The following DENND1B variants were observed in gnomAD, a reference collection of about 807,000 sequenced individuals.
The protein encoded by DENND1B is DENN domain containing 1B.
In DENND1B, 59 loss-of-function variants were observed where a neutral mutation model predicts 90.1. The observed-to-expected ratio is 0.65, with a 90% confidence interval of 0.53 to 0.81. The LOEUF is 0.81. Among genes scored for constraint, DENND1B ranks in the 40% least tolerant of loss-of-function variants. The probability of loss-of-function intolerance (pLI) is 0.00; values close to 1 mark genes in which losing one functional copy is unlikely to be tolerated. For synonymous variants in DENND1B, 337 were observed against 324.6 expected, an observed-to-expected ratio of 1.04 and a Z score of -0.41; for missense variants, 862 against 912.6, an observed-to-expected ratio of 0.94 and a Z score of 0.71.
intron 10 of DENND1B, among the ~76,000 whole-genome samples, chr1:197,625,741 C>T (rs1195437588): frequency 2.0e-5 from 3 of 152,004 alleles, no homozygotes; most frequent in African/African-American, 7.3e-5. Flanking sequence ...AGAGTCAAGA[C>T]CCATCAGTGT....
At chr1:197,761,015 G>C (rs1356688065) in intron 2 of DENND1B, among the ~76,000 whole-genome samples, 1 of 152,046 alleles carries the variant, frequency 6.6e-6, no homozygotes, top group Non-Finnish European at 1.5e-5. Flanking sequence ...TCTCTAACAT[G>C]TCTAAACCTG....
intron 3 of DENND1B, among the ~76,000 whole-genome samples, chr1:197,705,648 T>TAAAAAAA (rs35856931): frequency 7.1e-6 from 1 of 140,876 alleles, no homozygotes; most frequent in Non-Finnish European, 1.5e-5. Context: ...GGTAGAAATT[T>TAAAAAAA]AAAAAAAAAA....
intron 3 of DENND1B, among the ~76,000 whole-genome samples, chr1:197,713,801 T>TATAATATA (rs1483373450): frequency 3.1e-5 from 1 of 32,586 alleles, no homozygotes; most frequent in Non-Finnish European, 5.8e-5. Context: ...TATTATTATA[T>TATAATATA]TATAATATAT....
At chr1:197,607,299 A>T in intron 12 of DENND1B, 125 bp from the exon 13 acceptor site, 1 of 542,646 alleles carries the variant, frequency 1.8e-6, no homozygotes, top group Non-Finnish European at 2.9e-6. Context: ...GGAAAATCCT[A>T]TATTATGAAA....
chr1:197,737,073 A>C (rs1396309825), intron 2 of DENND1B, among the ~76,000 whole-genome samples: 1 of 152,214 alleles, frequency 6.6e-6, no homozygotes, highest in East Asian at 1.9e-4. Context: ...ATCTTTGATA[A>C]GCCCTCATCC....
At position 197,684,311 on chromosome 1, in the gene DENND1B, A is replaced by C. The variant is rs562357859; in HGVS notation, c.127-10142T>G. ...CTAAGTAGCTTGTCCAAAGTCAAAC[A>C]GCTAGCAAATAATAGAGTTAGGATT... On this transcript the variant is annotated intron_variant, in intron 3 of 22. Transcript: ENST00000620048. 2.0e-4 allele frequency among the ~76,000 whole-genome samples: 30 copies of C among 152,332 alleles called. No individual in the cohort carries two copies. In the South Asian group the frequency reaches 6.0e-3, roughly 30 times the overall value.
rs187412626 is a variant in DENND1B, at chr1:197,661,654, A to C, written c.297-3285T>G. On this transcript the variant is annotated intron_variant, in intron 5 of 22. Transcript: ENST00000620048. Reference sequence around the variant, plus strand: ...TAAAGTGAGGCCTTTGGTAACCTTAATTTTTCTTTCATGGTCTACTATAAA... The same window carrying C: ...TAAAGTGAGGCCTTTGGTAACCTTACTTTTTCTTTCATGGTCTACTATAAA... Among the ~76,000 whole-genome samples, 17 of 152,048 alleles carry C rather than the reference A, an allele frequency of 1.1e-4. 1 individual carries two copies. The East Asian group carries it at 3.3e-3, about 29-fold the overall frequency.
chr1:197,686,922 C>T lies in DENND1B; in HGVS notation c.127-12753G>A, dbSNP rs1043596134. The stretch of plus-strand genomic sequence containing the variant: ...ATGCTAGGTTCAGAATCCAGTTCAA[C>T]GACCTAACAGCTGTGTAAAATCGTT... On this transcript the variant is annotated intron_variant, in intron 3 of 22. Transcript: ENST00000620048. Among the ~76,000 whole-genome samples, 8 of 152,150 alleles carry T rather than the reference C, an allele frequency of 5.3e-5. No homozygotes were observed. In the South Asian group the frequency reaches 6.2e-4, roughly 12 times the overall value.
chr1:197,639,825 T>C (rs1029617992), intron 10 of DENND1B, among the ~76,000 whole-genome samples: 14 of 152,148 alleles, frequency 9.2e-5, no homozygotes, highest in Non-Finnish European at 1.5e-4. Flanking sequence ...TTATAGCAGA[T>C]ATATTTTATA....
At chr1:197,761,364 G>C (rs1655023998) in intron 2 of DENND1B, among the ~76,000 whole-genome samples, 1 of 151,302 alleles carries the variant, frequency 6.6e-6, no homozygotes, top group Non-Finnish European at 1.5e-5. Context: ...CTGTAATCTT[G>C]AAGAAGAAAA....
intron 7 of DENND1B, among the ~76,000 whole-genome samples, chr1:197,650,399 A>G (rs1652996439): frequency 6.6e-6 from 1 of 152,172 alleles, no homozygotes; most frequent in Non-Finnish European, 1.5e-5. Context: ...ATCAAAGAAC[A>G]CTTCTACACT....
At chr1:197,539,116 T>C (rs1670137342) in intron 20 of DENND1B, among the ~76,000 whole-genome samples, 1 of 152,182 alleles carries the variant, frequency 6.6e-6, no homozygotes, top group Non-Finnish European at 1.5e-5. Flanking sequence ...CCATGTATAC[T>C]TCTGTGGTGC....
Position 197,549,867 on chromosome 1 carries a change from T to C in DENND1B, c.1241-3094A>G, listed in dbSNP as rs1671086913. Among the ~76,000 whole-genome samples the C allele has an allele frequency of 2.0e-5, 3 of 152,160 alleles. No individual in the cohort carries two copies. In the South Asian group the frequency reaches 6.2e-4, roughly 31 times the overall value. On this transcript the variant is annotated intron_variant, in intron 16 of 22. Transcript: ENST00000620048. ...GAGGCAGTTTTTGAAAAAATGCATG[T>C]ATTCACAGATTCTTTAACCATACAG...
intron 14 of DENND1B, among the ~76,000 whole-genome samples, chr1:197,593,575 T>C (rs1172726394): frequency 6.6e-6 from 1 of 151,876 alleles, no homozygotes; most frequent in Non-Finnish European, 1.5e-5. Context: ...ATCTGTGCAA[T>C]GAAGCTTAAA....
chr1:197,510,671 G>A lies in DENND1B; in HGVS notation c.2117C>T (p.Thr706Ile). ...CAGATCATCTGAAATCTGGCTTAGT[G>A]TTTCCCTCTTTTCTGTTTTTCCTTT... ...TDKGKTEKRE[T>I]LSQISDDLLI... Residue 706 changes from threonine (T) to isoleucine (I), a missense_variant, in exon 23 of 23, where the codon ACA becomes ATA. Transcript: ENST00000620048. 6.2e-7 allele frequency: 1 copy of A among 1,612,798 alleles called. No homozygotes were observed. The highest frequency in any genetic ancestry group is 8.5e-7 in the Non-Finnish European group (1 of 1,179,218).
At chr1:197,675,958 A>C (rs1414542176) in intron 3 of DENND1B, among the ~76,000 whole-genome samples, 3 of 151,794 alleles carry the variant, frequency 2.0e-5, no homozygotes, top group Non-Finnish European at 2.9e-5. Flanking sequence ...CACTTCTGTG[A>C]AACAGCCTCA....
intron 2 of DENND1B, among the ~76,000 whole-genome samples, chr1:197,716,644 T>C (rs1042273529): frequency 1.1e-4 from 17 of 151,608 alleles, no homozygotes; most frequent in Admixed American, 1.1e-3. Flanking sequence ...AAATGAAAGT[T>C]TTTATCTTCA....
chr1:197,728,460 C>T (rs1325723113), intron 2 of DENND1B, among the ~76,000 whole-genome samples: 1 of 152,180 alleles, frequency 6.6e-6, no homozygotes, highest in Non-Finnish European at 1.5e-5. Flanking sequence ...TTGATTACAA[C>T]ATCCCCTTGA....
intron 16 of DENND1B, among the ~76,000 whole-genome samples, chr1:197,548,573 A>T (rs887817422): frequency 6.6e-6 from 1 of 152,192 alleles, no homozygotes; most frequent in Non-Finnish European, 1.5e-5. Context: ...CTGAGGTTCT[A>T]TGATGATGTA....
Sources: gnomAD v4.1 joint callset for allele counts (sites outside exome capture counted in the v4.1 genomes callset) on GRCh38, gnomAD v4.1.1 for gene constraint, MANE v1.5 for transcripts, NCBI Gene and HGNC (gene_info 2026-07-23, HGNC 2026-07-21) for gene names.